The following MICAL2 variants were observed in gnomAD, a reference collection of about 807,000 sequenced individuals.
MICAL2 encodes microtubule associated monooxygenase, calponin and LIM domain containing 2.
In MICAL2, 77 loss-of-function variants were observed where a neutral mutation model predicts 127.3. That is an observed-to-expected ratio of 0.60 (90% CI 0.50 to 0.73). The LOEUF (loss-of-function observed/expected upper bound fraction) is 0.73, where lower values mean the gene tolerates loss of function less well. Among genes scored for constraint, MICAL2 ranks in the 30% least tolerant of loss-of-function variants. The pLI, the probability that MICAL2 is intolerant of heterozygous loss-of-function variation, is 0.00. For synonymous variants in MICAL2, 570 were observed against 551.1 expected (o/e 1.03, Z -0.48); for missense variants, 1,351 against 1,434.4 (o/e 0.94, Z 0.94).
At chr11:12,287,309 G>A (rs1013936394) in exon 3 of MICAL2, 1 of 392,584 alleles carries the variant, frequency 2.5e-6, no homozygotes, top group African/African-American at 2.1e-5. Flanking sequence ...TAAAATATAA[G>A]CTTGACTTTA....
exon 1 of MICAL2, chr11:12,276,128 G>C (rs931370400): frequency 1.0e-5 from 4 of 399,118 alleles, no homozygotes; most frequent in Admixed American, 4.4e-5. Context: ...GACAGGATGT[G>C]CTGGCTGTGC....
downstream of MICAL2, among the ~76,000 whole-genome samples, chr11:12,359,782 G>T (rs531672992): frequency 2.0e-5 from 3 of 152,122 alleles, no homozygotes; most frequent in South Asian, 6.2e-4. Flanking sequence ...GTCTATTATC[G>T]ATAAGAGAAA....
intron 15 of MICAL2, among the ~76,000 whole-genome samples, chr11:12,234,316 A>G (rs1168793718): frequency 6.6e-6 from 1 of 151,050 alleles, no homozygotes; most frequent in Non-Finnish European, 1.5e-5. Context: ...AAAAAAAAAC[A>G]ACAGAAAACC....
intron 32 of MICAL2, among the ~76,000 whole-genome samples, chr11:12,340,862 C>G (rs900867228): frequency 6.6e-6 from 1 of 152,046 alleles, no homozygotes; most frequent in Non-Finnish European, 1.5e-5. Context: ...CAGATTAAAA[C>G]AAAACAAAAA....
intron 30 of MICAL2, among the ~76,000 whole-genome samples, chr11:12,321,459 C>T (rs774554642): frequency 6.6e-6 from 1 of 152,074 alleles, no homozygotes; most frequent in Non-Finnish European, 1.5e-5. Flanking sequence ...TTTGCTTCAC[C>T]CTTGCTCCCC....
rs537986310 is a variant in MICAL2, at chr11:12,223,381, G to C, written c.1450-30G>C. 7 of 1,590,994 alleles carry C rather than the reference G, an allele frequency of 4.4e-6. No individual in the cohort carries two copies. In the East Asian group the frequency reaches 1.1e-4, roughly 25 times the overall value. On this transcript the variant is annotated intron_variant, in intron 11 of 27. Coordinates refer to ENST00000683283, the MANE Select transcript of MICAL2 (RefSeq NM_001282663.2). The stretch of plus-strand genomic sequence containing the variant: ...TGAGACTAGGATTTGGGGGAAAACT[G>C]GTGGGCAAGCATGTCTCTCTTGCTC...
chr11:12,136,697 T>C (rs1165916355), intron 1 of MICAL2, among the ~76,000 whole-genome samples: 4 of 151,718 alleles, frequency 2.6e-5, no homozygotes, highest in Admixed American at 2.6e-4. Flanking sequence ...GGAGCTCAAG[T>C]GTATTTGGCT....
chr11:12,196,649 C>G (rs949546036), intron 3 of MICAL2, among the ~76,000 whole-genome samples: 1 of 152,172 alleles, frequency 6.6e-6, no homozygotes, highest in Non-Finnish European at 1.5e-5. Flanking sequence ...TTTCTTTTCT[C>G]TCTTCTTACC....
intron 32 of MICAL2, among the ~76,000 whole-genome samples, chr11:12,335,816 T>A (rs1414465670): frequency 6.6e-6 from 1 of 152,210 alleles, no homozygotes. Context: ...GGTCTGTGTA[T>A]CTGTTTTGGT....
chr11:12,221,779 C>A lies in MICAL2; in HGVS notation c.1322+20C>A. On this transcript the variant is annotated intron_variant, in intron 10 of 27. Coordinates refer to ENST00000683283, the MANE Select transcript of MICAL2 (RefSeq NM_001282663.2). ...TGAAAGGTGAGCTTTGACAGTAGGG[C>A]TCCTAACTGGGGGGCAGGGCACTCA... 6.3e-7 allele frequency: 1 copy of A among 1,598,396 alleles called. No individual in the cohort carries two copies. Among genetic ancestry groups the A allele is most frequent in the Non-Finnish European group, 8.6e-7 (1 of 1,167,440 alleles).
intron 2 of MICAL2, among the ~76,000 whole-genome samples, chr11:12,159,441 T>C (rs955079511): frequency 1.3e-5 from 2 of 152,228 alleles, no homozygotes; most frequent in African/African-American, 4.8e-5. Context: ...CCACATCTAC[T>C]GAGTGCCTGC....
At chr11:12,320,296 G>A (rs945539229) in intron 30 of MICAL2, among the ~76,000 whole-genome samples, 4 of 152,206 alleles carry the variant, frequency 2.6e-5, no homozygotes, top group African/African-American at 9.6e-5. Flanking sequence ...GAAGGGACAA[G>A]CCCCGTGCCA....
chr11:12,358,336 G>A lies in MICAL2; in HGVS notation c.5731G>A (p.Val1911Ile), dbSNP rs368848960. Residue 1911 changes from valine to isoleucine, a missense_variant, in exon 35 of 35, where the codon GTA becomes ATA. Val to Ile is a conservative substitution (Grantham distance 29). Transcript: ENST00000646065. ...GAAGGATCTAAACGAAGAGCAAGAA[G>A]TATTCACCGAGCTGATGCAAGTGAT... 7.9e-5 allele frequency: 127 copies of A among 1,614,010 alleles called. No individual in the cohort carries two copies. Among genetic ancestry groups the A allele is most frequent in the African/African-American group, 2.7e-4 (20 of 74,916 alleles).
downstream of MICAL2, chr11:12,293,612 C>G (rs1329268349): frequency 6.2e-7 from 1 of 1,613,918 alleles, no homozygotes; most frequent in African/African-American, 1.3e-5. Flanking sequence ...TCCAAGTCCT[C>G]CCACCCCAAA....
chr11:12,273,149 C>T (rs1590716804), upstream of MICAL2, among the ~76,000 whole-genome samples: 1 of 152,328 alleles, frequency 6.6e-6, no homozygotes, highest in African/African-American at 2.4e-5. Context: ...TGATCCCCGT[C>T]CTCTGACAGA....
chr11:12,141,280 C>T (rs1241169983), intron 2 of MICAL2, among the ~76,000 whole-genome samples: 3 of 152,166 alleles, frequency 2.0e-5, no homozygotes, highest in Non-Finnish European at 4.4e-5. Flanking sequence ...GTCACAGAAC[C>T]TCAGGGGCCT....
chr11:12,293,974 A>G (rs1475732540), downstream of MICAL2: 9 of 1,614,060 alleles, frequency 5.6e-6, no homozygotes, highest in Non-Finnish European at 7.6e-6. Context: ...TGAAGAAGTT[A>G]GTCCTCACTC....
chr11:12,230,210 TG>T (rs1858047058), intron 15 of MICAL2, among the ~76,000 whole-genome samples: 1 of 152,230 alleles, frequency 6.6e-6, no homozygotes, highest in Non-Finnish European at 1.5e-5. Flanking sequence ...GGGAACCGAA[TG>T]GCAATGCTCT....
intron 12 of MICAL2, 75 bp downstream of exon 12, chr11:12,223,576 G>A (rs1788310718): frequency 1.0e-5 from 14 of 1,346,070 alleles, no homozygotes; most frequent in Non-Finnish European, 1.5e-5. Context: ...CAGTGACCGT[G>A]GTGACACAGG....
Sources: gnomAD v4.1 joint callset for allele counts (sites outside exome capture counted in the v4.1 genomes callset) on GRCh38, gnomAD v4.1.1 for gene constraint, MANE v1.5 for transcripts, NCBI Gene and HGNC (gene_info 2026-07-23, HGNC 2026-07-21) for gene names.